Variants in HLA-DOB observed in about 807,000 individuals in gnomAD.
The protein encoded by HLA-DOB is major histocompatibility complex, class II, DO beta.
In HLA-DOB, 25 loss-of-function variants were observed where a neutral mutation model predicts 27.7. That is an observed-to-expected ratio of 0.90 (90% CI 0.66 to 1.26). The LOEUF (loss-of-function observed/expected upper bound fraction) is 1.26. HLA-DOB is among the 50% of genes most tolerant of loss of function. HLA-DOB has a pLI of 0.00. For missense variants in HLA-DOB, 306 were observed against 324.9 expected (o/e 0.94, Z 0.45); for synonymous variants, 137 against 125.6 (o/e 1.09, Z -0.61).
rs778741202 is a variant in HLA-DOB at position 32,813,832 on chromosome 6, T to G, written c.645A>C (p.Arg215Ser). Residue 215 changes from arginine to serine, a missense_variant and splice_region_variant, in exon 4 of 6, where the codon AGA (arginine) becomes AGC (serine). Transcript: ENST00000438763. ...TTCTCCAAGAATATTCAGACTGAGC[T>G]CCTATGGGAAACAGGTCTTTAAATT... ...SLLSPVSVEWRAQSEYSWRKM... is the reference protein window; with the variant it reads ...SLLSPVSVEWSAQSEYSWRKM... 1 of 1,536,398 alleles carries G rather than the reference T, an allele frequency of 6.5e-7. No homozygotes were observed. Among genetic ancestry groups the G allele is most frequent in the Non-Finnish European group, 8.8e-7 (1 of 1,131,074 alleles).
intron 3 of HLA-DOB, 102 bp from the exon 4 acceptor site, chr6:32,813,935 A>G (rs981469905): frequency 5.3e-6 from 4 of 756,288 alleles, no homozygotes; most frequent in African/African-American, 3.6e-5. Context: ...AATGCTAGCT[A>G]GAGAAAAATA....
rs1301167800 is a variant in HLA-DOB, at chr6:32,815,175, G to C, written c.230C>G (p.Thr77Ser). The C allele has an allele frequency of 1.2e-6, 2 of 1,614,194 alleles. No individual in the cohort carries two copies. Among genetic ancestry groups the C allele is most frequent in the Non-Finnish European group, 1.7e-6 (2 of 1,180,030 alleles). ...DSDVGMFVAL[T>S]KLGQPDAEQW... ...CTCAGCATCTGGCTGCCCCAGCTTG[G>C]TCAATGCCACAAACATCCCCACATC... Residue 77 changes from threonine (T) to serine (S), a missense_variant, in exon 2 of 6, where the codon ACC becomes AGC. By Grantham distance (58) the Thr-to-Ser change is moderately conservative. Transcript: ENST00000438763.
chr6:32,815,921 A>T (rs1768000406), intron 1 of HLA-DOB, among the ~76,000 whole-genome samples: 1 of 152,202 alleles, frequency 6.6e-6, no homozygotes, highest in African/African-American at 2.4e-5. Context: ...AACCCCACTT[A>T]TCCCTCACTC....
At chr6:32,816,184 G>A (rs1386148033) in intron 1 of HLA-DOB, among the ~76,000 whole-genome samples, 1 of 152,112 alleles carries the variant, frequency 6.6e-6, no homozygotes, top group Non-Finnish European at 1.5e-5. Flanking sequence ...AACATGCAAA[G>A]GGGATTCTGT....
intron 4 of HLA-DOB, 49 bp downstream of exon 4, chr6:32,813,674 T>G: frequency 7.9e-7 from 1 of 1,268,264 alleles, no homozygotes; most frequent in Non-Finnish European, 1.1e-6. Context: ...AAGGTGGGAG[T>G]GGGGAAGGTC....
At chr6:32,815,368 G>A in intron 1 of HLA-DOB, 55 bp from the exon 2 acceptor site, 2 of 1,600,882 alleles carry the variant, frequency 1.2e-6, no homozygotes, top group Non-Finnish European at 1.7e-6. Flanking sequence ...GAAAACCCAT[G>A]CCTGGTAAAT....
rs1284241925 is a variant in HLA-DOB, at chr6:32,816,854, T to C, written c.91+7A>G. The C allele has an allele frequency of 1.2e-6, 2 of 1,610,448 alleles. No individual in the cohort carries two copies. Among genetic ancestry groups the C allele is most frequent in the Admixed American group, 1.7e-5 (1 of 59,920 alleles). On this transcript the variant is annotated splice_region_variant and intron_variant, in intron 1 of 5. Transcript: ENST00000438763. Reference sequence around the variant, plus strand: ...ACACTGGAAAAAAACAATTGCTCTGTTCTTACCTGGAGAGTCTGTGCCTTG... The same window carrying C: ...ACACTGGAAAAAAACAATTGCTCTGCTCTTACCTGGAGAGTCTGTGCCTTG...
At position 32,813,221 on chromosome 6, in the gene HLA-DOB, A is replaced by G. The variant is rs762503684; in HGVS notation, c.817T>C (p.Cys273Arg). 6.2e-7 allele frequency: 1 copy of G among 1,613,004 alleles called. No individual in the cohort carries two copies. Among genetic ancestry groups the G allele is most frequent in the South Asian group, 1.1e-5 (1 of 91,078 alleles). The change falls in exon 6 of 6, where the codon TGC becomes CGC. Residue 273 changes from cysteine to arginine, a missense_variant. Cys to Arg is a radical substitution (Grantham distance 180). Transcript: ENST00000438763. Reference protein sequence around the residue: ...VSRAVLLPQSC With the variant: ...VSRAVLLPQSR ...GAGAAGCTTCAGTGAGGACCTTAGCATGACTGAGGGAGCAGAACAGCTCTT... is the reference window on the plus strand; with the variant it reads ...GAGAAGCTTCAGTGAGGACCTTAGCGTGACTGAGGGAGCAGAACAGCTCTT...
In HLA-DOB at chr6:32,815,428, CAA is replaced by C. The variant is rs1767978809; in HGVS notation, c.92-117_92-116del. On this transcript the variant is annotated intron_variant, in intron 1 of 5. Transcript: ENST00000438763. ...AGGAGGCCTTTGACCTCAGTATGCTCAAAAAGCACAGTGTCAAGTGAGAAAAG... is the reference window on the plus strand; with the variant it reads ...AGGAGGCCTTTGACCTCAGTATGCTCAAAGCACAGTGTCAAGTGAGAAAAG... 1.2e-5 allele frequency: 12 copies of C among 962,006 alleles called. No individual in the cohort carries two copies. The South Asian group carries it at 1.3e-4, about 11-fold the overall frequency. The allele number at this position is 962,006 out of a possible 1,614,324, so 59.6% of individuals were successfully genotyped here. A position where few individuals can be genotyped will look rare whatever the true frequency, so the allele number is the denominator to read the frequency against.
At position 32,815,236 on chromosome 6, in the gene HLA-DOB, T is replaced by C. The variant is rs1048241905; in HGVS notation, c.169A>G (p.Ile57Val). The C allele has an allele frequency of 3.1e-6, 5 of 1,614,096 alleles. No individual in the cohort carries two copies. The African/African-American group carries it at 5.3e-5, about 17-fold the overall frequency. ...TEKVQFVVRF[I>V]FNLEEYVRFD... is the part of the protein sequence containing the mutation. ...CGTACATACTCCTCCAAGTTAAAGATGAATCTGACCACAAACTGCACCTTT... is the reference window on the plus strand; with the variant it reads ...CGTACATACTCCTCCAAGTTAAAGACGAATCTGACCACAAACTGCACCTTT... The change falls in exon 2 of 6, where the codon ATC (isoleucine) becomes GTC (valine). Residue 57 changes from isoleucine (I) to valine (V), a missense_variant. By Grantham distance (29) the Ile-to-Val change is conservative. Coordinates refer to ENST00000438763, the MANE Select transcript of HLA-DOB (RefSeq NM_002120.4).
intron 1 of HLA-DOB, among the ~76,000 whole-genome samples, chr6:32,815,766 A>G (rs545098857): frequency 1.3e-5 from 2 of 152,378 alleles, no homozygotes; most frequent in East Asian, 3.9e-4. Flanking sequence ...TAGGTAAGTC[A>G]GGAAGGACGT....
At chr6:32,813,277 A>C (rs1767874400) in intron 5 of HLA-DOB, 26 bp from the exon 6 acceptor site, 1 of 1,612,848 alleles carries the variant, frequency 6.2e-7, no homozygotes, top group East Asian at 2.2e-5. Context: ...TGAAGGTCTC[A>C]GGAGGCAGCC....
In HLA-DOB at chr6:32,815,248, C is replaced by G. The variant is rs759970888; in HGVS notation, c.157G>C (p.Val53Leu). 3.1e-6 allele frequency: 5 copies of G among 1,614,226 alleles called. No individual in the cohort carries two copies. The Admixed American group carries it at 8.3e-5, about 27-fold the overall frequency. ...FTNGTEKVQF[V>L]VRFIFNLEEY... ...TCCAAGTTAAAGATGAATCTGACCA[C>G]AAACTGCACCTTTTCTGTCCCGTTG... is the stretch of plus-strand genomic sequence containing the variant. The change falls in exon 2 of 6, where the codon GTG becomes CTG. Residue 53 changes from valine (V) to leucine (L), a missense_variant. By Grantham distance (32) the Val-to-Leu change is conservative (BLOSUM62 1). Transcript: ENST00000438763.
intron 4 of HLA-DOB, 74 bp from the exon 5 acceptor site, chr6:32,813,545 T>G: frequency 6.5e-7 from 1 of 1,533,098 alleles, no homozygotes; most frequent in Non-Finnish European, 9.0e-7. Flanking sequence ...GAAGAACAAA[T>G]GGCTGGCAAG....
rs746989562 is a variant in HLA-DOB, at chr6:32,815,050, T to C, written c.355A>G (p.Arg119Gly). Residue 119 changes from arginine to glycine, a missense_variant, in exon 2 of 6, where the codon AGA becomes GGA. Coordinates refer to ENST00000438763, the MANE Select transcript of HLA-DOB (RefSeq NM_002120.4). The part of the protein sequence containing the change: ...YRLGAPFTVG[R>G]KVQPEVTVYP... ...ACCTCAGCTTCCAGCTCACCTTTTC[T>C]CCCCACAGTGAAGGGTGCGCCCAGC... 8 of 1,613,596 alleles carry C rather than the reference T, an allele frequency of 5.0e-6. No homozygotes were observed. The highest frequency in any genetic ancestry group is 6.8e-6 in the Non-Finnish European group (8 of 1,179,690).
intron 2 of HLA-DOB, 95 bp downstream of exon 2, chr6:32,814,949 C>A (rs1185726468): frequency 4.3e-6 from 6 of 1,395,324 alleles, no homozygotes; most frequent in Non-Finnish European, 5.9e-6. Flanking sequence ...ACCATTTATC[C>A]TAAAGCAGAA....
rs756168942 is a variant in HLA-DOB at position 32,815,137 on chromosome 6, G to T, written c.268C>A (p.Arg90=). The T allele has an allele frequency of 6.2e-7, 1 of 1,614,118 alleles. No homozygotes were observed. The highest frequency in any genetic ancestry group is 1.1e-5 in the South Asian group (1 of 91,078). ...CTGCTCCTCTCCAAGAGATCCAGCC[G>T]GCTGTTCCACTGCTCAGCATCTGGC... The part of the protein sequence containing the change: ...GQPDAEQWNS[R]LDLLERSRQA... Residue 90 remains arginine, a synonymous_variant, in exon 2 of 6, where the codon CGG becomes AGG. Coordinates refer to ENST00000438763, the MANE Select transcript of HLA-DOB (RefSeq NM_002120.4).
intron 2 of HLA-DOB, 90 bp from the exon 3 acceptor site, chr6:32,814,691 C>G: frequency 8.2e-7 from 1 of 1,216,858 alleles, no homozygotes; most frequent in Non-Finnish European, 1.2e-6. Flanking sequence ...TGTCTAATCT[C>G]TTTCCCAGAT....
In HLA-DOB at chr6:32,814,443, T is replaced by A. The variant is rs567808719; in HGVS notation, c.520A>T (p.Ile174Phe). Residue 174 changes from isoleucine to phenylalanine, a missense_variant, in exon 3 of 6, where the codon ATC (isoleucine) becomes TTC (phenylalanine). Coordinates refer to ENST00000438763, the MANE Select transcript of HLA-DOB (RefSeq NM_002120.4). ...TGAAAGGTCCAGTCTCCATTCCTGATAGGGCCAGTGGACATGACCCCAGCT... is the reference window on the plus strand; with the variant it reads ...TGAAAGGTCCAGTCTCCATTCCTGAAAGGGCCAGTGGACATGACCCCAGCT... Reference protein sequence around the residue: ...ERAGVMSTGPIRNGDWTFQTV... With the variant: ...ERAGVMSTGPFRNGDWTFQTV... 1 of 1,613,082 alleles carries A rather than the reference T, an allele frequency of 6.2e-7. No homozygotes were observed. The highest frequency in any genetic ancestry group is 1.1e-5 in the South Asian group (1 of 91,074).
Sources: allele counts gnomAD v4.1 joint callset (sites outside exome capture counted in the v4.1 genomes callset), GRCh38; gene constraint gnomAD v4.1.1; transcripts MANE v1.5; gene names NCBI Gene and HGNC (gene_info 2026-07-23, HGNC 2026-07-21).